RASA3: variants seen among roughly 807,000 people sequenced by gnomAD.
The protein encoded by RASA3 is ras GTPase-activating protein 3.
A neutral mutation model predicts 110.0 loss-of-function variants in RASA3; 73 were observed. That is an observed-to-expected ratio of 0.66 (90% CI 0.55 to 0.81). The LOEUF (loss-of-function observed/expected upper bound fraction) is 0.81. Among genes scored for constraint, RASA3 ranks in the 30% least tolerant of loss-of-function variants. RASA3 has a pLI of 0.00. For missense variants in RASA3, 976 were observed against 1,113.2 expected, an observed-to-expected ratio of 0.88 and a Z score of 1.75; for synonymous variants, 500 against 451.4, an observed-to-expected ratio of 1.11 and a Z score of -1.37.
chr13:114,088,065 A>G (rs1312139165), intron 1 of RASA3, among the ~76,000 whole-genome samples: 2 of 152,088 alleles, frequency 1.3e-5, no homozygotes, highest in Non-Finnish European at 2.9e-5. Flanking sequence ...CAGGAGGTGG[A>G]GGTTGCAGTG....
chr13:114,054,431 C>T (rs2079203273), intron 2 of RASA3, among the ~76,000 whole-genome samples: 1 of 114,156 alleles, frequency 8.8e-6, no homozygotes, highest in Non-Finnish European at 2.3e-5. Flanking sequence ...ACTGTTGCTG[C>T]CCGGAGCCCA....
Position 114,051,452 on chromosome 13 carries a change from T to C in RASA3, c.277+600A>G, listed in dbSNP as rs571847818. ...GGAACAAGGAGCTCCCCGAGTAACC[T>C]GAAGTCCACTCTGCCCAGAGGCCCC... is the stretch of plus-strand genomic sequence containing the variant. On this transcript the variant is annotated intron_variant, in intron 3 of 23. Coordinates refer to ENST00000334062, the MANE Select transcript of RASA3 (RefSeq NM_007368.4). Among the ~76,000 whole-genome samples, 6 of 152,324 alleles carry C rather than the reference T, an allele frequency of 3.9e-5. No homozygotes were observed. The East Asian group carries it at 1.2e-3, about 29-fold the overall frequency.
rs146927253 is a variant in RASA3 at position 114,015,235 on chromosome 13, C to G, written c.1379G>C (p.Arg460Pro). 2.5e-6 allele frequency: 4 copies of G among 1,613,000 alleles called. No individual in the cohort carries two copies. The highest frequency in any genetic ancestry group is 1.7e-5 in the Admixed American group (1 of 60,008). Residue 460 changes from arginine (R) to proline (P), a missense_variant, in exon 14 of 24, where the codon CGG becomes CCG. This residue lies in a region of RASA3 where 732 missense variants were observed against 779.7 expected (regional missense o/e 0.94). Coordinates refer to ENST00000334062, the MANE Select transcript of RASA3 (RefSeq NM_007368.4). ...CTGGAAGCGCTTGGCCGCCGCCTCC[C>G]GGAGGGAGAAGAAGATGTCACACAT... is the stretch of plus-strand genomic sequence containing the variant. ...TVMCDIFFSL[R>P]EAAAKRFQDD...
intron 4 of RASA3, among the ~76,000 whole-genome samples, chr13:114,040,254 G>A (rs1249896686): frequency 3.9e-5 from 6 of 152,074 alleles, no homozygotes; most frequent in Non-Finnish European, 7.4e-5. Flanking sequence ...CGCTCACTCC[G>A]ACCACAAGCG....
chr13:114,005,327 G>A lies in RASA3; in HGVS notation c.1742+2206C>T, dbSNP rs1320303352. ...GGGAGTGGGAGCCGGGCCACAGGAC[G>A]GGGTTGGTGGAAACGGGCAGACGTG... On this transcript the variant is annotated intron_variant, in intron 18 of 23. Transcript: ENST00000334062. 2.6e-5 allele frequency among the ~76,000 whole-genome samples: 4 copies of A among 152,228 alleles called. No individual in the cohort carries two copies. In the East Asian group the frequency reaches 5.8e-4, roughly 22 times the overall value.
intron 17 of RASA3, among the ~76,000 whole-genome samples, chr13:114,008,024 A>G (rs1384427408): frequency 0.1 from 1,670 of 16,552 alleles, 54 homozygotes; most frequent in Middle Eastern, 0.33. Context: ...GGGCCTGGAT[A>G]TTCCCCCCAC....
chr13:114,011,063 C>T lies in RASA3; in HGVS notation c.1590+108G>A, dbSNP rs1365287103. 1 of 1,079,296 alleles carries T rather than the reference C, an allele frequency of 9.3e-7. No homozygotes were observed. The highest frequency in any genetic ancestry group is 1.6e-5 in the African/African-American group (1 of 64,290). The allele number at this position is 1,079,296 out of a possible 1,614,324, so 66.9% of individuals were successfully genotyped here. On this transcript the variant is annotated intron_variant, in intron 16 of 23. Coordinates refer to ENST00000334062, the MANE Select transcript of RASA3 (RefSeq NM_007368.4). The surrounding 1 kb of genome is among the most constrained non-coding windows in gnomAD (Gnocchi z 4.8). ...TGTGGTGCCGGCTTTGATTCTTGAT[C>T]TTTATCTTACGACTCTCTCAAATGT... is the stretch of plus-strand genomic sequence containing the variant.
chr13:114,105,068 CTA>C (rs769278907), intron 1 of RASA3, among the ~76,000 whole-genome samples: 111 of 152,162 alleles, frequency 7.3e-4, no homozygotes, highest in Non-Finnish European at 1.3e-3. Context: ...CTCCAACAGA[CTA>C]TGACCTCCCC....
At chr13:114,089,741 T>C (rs180952279) in intron 1 of RASA3, among the ~76,000 whole-genome samples, 6 of 152,288 alleles carry the variant, frequency 3.9e-5, no homozygotes, top group Admixed American at 3.9e-4. Flanking sequence ...TGGTTTTTAG[T>C]GTATTCCGAG....
intron 12 of RASA3, among the ~76,000 whole-genome samples, chr13:114,016,661 C>T (rs1428792253): frequency 1.3e-5 from 2 of 152,238 alleles, no homozygotes; most frequent in Non-Finnish European, 2.9e-5. Context: ...TGATGTGCAC[C>T]AGCCCACACG....
At chr13:114,066,546 GA>G (rs1566545285) in intron 2 of RASA3, among the ~76,000 whole-genome samples, 1 of 152,228 alleles carries the variant, frequency 6.6e-6, no homozygotes, top group African/African-American at 2.4e-5. Flanking sequence ...TCAGGGCCAG[GA>G]GGCTCCTGCA....
intron 21 of RASA3, among the ~76,000 whole-genome samples, chr13:113,994,311 T>C (rs2053185678): frequency 6.6e-6 from 1 of 152,178 alleles, no homozygotes; most frequent in African/African-American, 2.4e-5. Flanking sequence ...TTGATAAAAT[T>C]GTGTCACTTA....
intron 1 of RASA3, among the ~76,000 whole-genome samples, chr13:114,121,601 G>A (rs879561268): frequency 2.0e-5 from 3 of 152,160 alleles, no homozygotes; most frequent in Non-Finnish European, 2.9e-5. Flanking sequence ...ATAAGGATGC[G>A]GACTCCTCCC....
intron 12 of RASA3, 51 bp from the exon 13 acceptor site, chr13:114,016,322 G>T: frequency 7.2e-7 from 1 of 1,385,156 alleles, no homozygotes; most frequent in Non-Finnish European, 1.0e-6. Context: ...GGGGGCACAG[G>T]CAGGGAGGGT....
intron 21 of RASA3, 99 bp from the exon 22 acceptor site, chr13:113,992,687 C>T (rs1203024987): frequency 8.5e-6 from 8 of 938,712 alleles, no homozygotes; most frequent in South Asian, 2.9e-5. Flanking sequence ...AGAAAGACAA[C>T]GATTGTGTTG....
At chr13:113,991,886 ACAC>A (rs760919084) in intron 22 of RASA3, among the ~76,000 whole-genome samples, 1 of 152,200 alleles carries the variant, frequency 6.6e-6, no homozygotes, top group South Asian at 2.1e-4. Flanking sequence ...GTCCCCACAC[ACAC>A]ATGCTCACAC....
In RASA3 at chr13:114,090,923, C is replaced by G. The variant is rs565559969; in HGVS notation, c.56-17086G>C. ...ATTTTTGAAGGTTTCCCTATAAAAT[C>G]TGTTACATACATATATATGTATGTT... On this transcript the variant is annotated intron_variant, in intron 1 of 23. Coordinates refer to ENST00000334062, the MANE Select transcript of RASA3 (RefSeq NM_007368.4). Among the ~76,000 whole-genome samples, 155 of 152,066 alleles carry G rather than the reference C, an allele frequency of 1.0e-3. 2 individuals are homozygous for G. Among genetic ancestry groups the G allele is most frequent in the Non-Finnish European group, 2.0e-3 (133 of 68,022 alleles).
At chr13:113,998,581 G>A (rs1042134426) in intron 20 of RASA3, among the ~76,000 whole-genome samples, 3 of 152,214 alleles carry the variant, frequency 2.0e-5, no homozygotes, top group Non-Finnish European at 4.4e-5. Flanking sequence ...ACTGGCTGAA[G>A]GGGCACTGAG....
intron 8 of RASA3, among the ~76,000 whole-genome samples, chr13:114,023,216 A>G (rs1260794116): frequency 2.6e-5 from 4 of 152,108 alleles, no homozygotes; most frequent in African/African-American, 9.6e-5. Flanking sequence ...AAGCAGGTGC[A>G]TCCCAGGCTC....
Sources: allele counts gnomAD v4.1 joint callset (sites outside exome capture counted in the v4.1 genomes callset), GRCh38; gene constraint gnomAD v4.1.1; regional missense constraint gnomAD v4.1.1; non-coding constraint Gnocchi (gnomAD v3.1); transcripts MANE v1.5; gene names NCBI Gene and HGNC (gene_info 2026-07-23, HGNC 2026-07-21).